Variants in SLC25A36 observed in about 807,000 individuals in gnomAD.
SLC25A36 encodes the protein solute carrier family 25 member 36, also known as epididymis secretory sperm binding protein.
In SLC25A36, 24 loss-of-function variants were observed where a neutral mutation model predicts 35.3. That is an observed-to-expected ratio of 0.68 (90% CI 0.49 to 0.96). The LOEUF (loss-of-function observed/expected upper bound fraction) is 0.96, where lower values mean the gene tolerates loss of function less well. Ranked by LOEUF, SLC25A36 falls within the 40% of genes least tolerant of loss-of-function variation. SLC25A36 has a pLI of 0.00. For synonymous variants in SLC25A36, 141 were observed against 132.2 expected, an observed-to-expected ratio of 1.07 and a Z score of -0.46; for missense variants, 294 against 381.1, an observed-to-expected ratio of 0.77 and a Z score of 1.90.
chr3:140,950,985 CTG>C (rs911041958), intron 1 of SLC25A36, among the ~76,000 whole-genome samples: 8 of 151,862 alleles, frequency 5.3e-5, no homozygotes, highest in Middle Eastern at 3.4e-3. Flanking sequence ...GTCATACAGA[CTG>C]TGACAGCAGC....
At position 140,976,769 on chromosome 3, in the gene SLC25A36, A is replaced by T; in HGVS notation, c.*316A>T. On this transcript the variant is annotated 3_prime_UTR_variant, in exon 7 of 7. Transcript: ENST00000324194. ...TGATTTATGGCAGTCTTCTAAACAA[A>T]GCCATCCTTAATTTTACATACTGTA... is the stretch of plus-strand genomic sequence containing the variant. 4.9e-6 allele frequency: 1 copy of T among 203,122 alleles called. No homozygotes were observed. Among genetic ancestry groups the T allele is most frequent in the Non-Finnish European group, 9.9e-6 (1 of 100,954 alleles). The allele number at this position is 203,122 out of a possible 1,614,324, so 12.6% of individuals were successfully genotyped here. A position where few individuals can be genotyped will look rare whatever the true frequency, so the allele number is the denominator to read the frequency against.
intron 1 of SLC25A36, among the ~76,000 whole-genome samples, chr3:140,945,416 T>A (rs1934136931): frequency 6.6e-6 from 1 of 152,174 alleles, no homozygotes; most frequent in African/African-American, 2.4e-5. Context: ...ACTGCAAAAC[T>A]AAGGGAAGTT....
intron 1 of SLC25A36, among the ~76,000 whole-genome samples, chr3:140,943,167 A>C (rs915334214): frequency 1.3e-5 from 2 of 152,218 alleles, no homozygotes; most frequent in African/African-American, 4.8e-5. Context: ...TTTTCTTATC[A>C]AAAATGCCTT....
At chr3:140,959,416 C>T in intron 2 of SLC25A36, 47 bp from the exon 3 acceptor site, 1 of 1,001,620 alleles carries the variant, frequency 1.0e-6, no homozygotes, top group Admixed American at 3.4e-5. Context: ...AATAAAGTAC[C>T]AGACTTTGAA....
chr3:140,947,034 A>G (rs61629363), intron 1 of SLC25A36, among the ~76,000 whole-genome samples: 11,361 of 152,100 alleles, frequency 0.075, 534 homozygotes, highest in East Asian at 0.17. Flanking sequence ...AAGAGGAGGA[A>G]CCAGCCAAGT....
chr3:140,972,244 C>T (rs1468932611), intron 5 of SLC25A36, among the ~76,000 whole-genome samples: 1 of 152,086 alleles, frequency 6.6e-6, no homozygotes, highest in Non-Finnish European at 1.5e-5. Flanking sequence ...ACTTAAAACT[C>T]TTTAATATTA....
chr3:140,957,306 A>G (rs1222144956), intron 2 of SLC25A36, among the ~76,000 whole-genome samples: 1 of 152,220 alleles, frequency 6.6e-6, no homozygotes, highest in Non-Finnish European at 1.5e-5. Context: ...GTTTGAACTT[A>G]GTTCAGTAGT....
intron 2 of SLC25A36, 145 bp from the exon 3 acceptor site, chr3:140,959,318 A>G (rs1361766315): frequency 4.1e-5 from 22 of 533,634 alleles, no homozygotes; most frequent in Non-Finnish European, 6.8e-5. Flanking sequence ...CCTGGCCACA[A>G]ATTTTTAATA....
chr3:140,968,608 G>A (rs1056127), intron 4 of SLC25A36: 45,038 of 941,538 alleles, frequency 0.048, 1,389 homozygotes, highest in East Asian at 0.16. Flanking sequence ...GTCTTTAAAA[G>A]GTTTTGTTCC....
At chr3:140,948,331 A>G (rs1313126279) in intron 1 of SLC25A36, among the ~76,000 whole-genome samples, 5 of 149,796 alleles carry the variant, frequency 3.3e-5, no homozygotes, top group Admixed American at 3.3e-4. Flanking sequence ...TTAGTGATTG[A>G]TATTTCTTTT....
rs533872621 is a variant in SLC25A36, at chr3:140,972,837, G to GT, written c.453-878dup. 6 of 152,156 alleles carry GT rather than the reference G, an allele frequency of 3.9e-5. No individual in the cohort carries two copies. The South Asian group carries it at 8.3e-4, about 21-fold the overall frequency. 9.4% of individuals were successfully genotyped at this position (152,156 alleles called of 1,614,324 possible). The stretch of plus-strand genomic sequence containing the variant: ...ATCTGTAGGTAATTAAGTGGGTGTT[G>GT]TAGTTGTGATTTTATTTTATGTCAG... On this transcript the variant is annotated intron_variant, in intron 5 of 6. Coordinates refer to ENST00000324194, the MANE Select transcript of SLC25A36 (RefSeq NM_001104647.3).
At chr3:140,950,333 A>G (rs1934286320) in intron 1 of SLC25A36, among the ~76,000 whole-genome samples, 1 of 150,378 alleles carries the variant, frequency 6.6e-6, no homozygotes, top group Non-Finnish European at 1.5e-5. Context: ...ATACTTGAAC[A>G]TTTGTTTTCA....
intron 1 of SLC25A36, among the ~76,000 whole-genome samples, chr3:140,948,202 A>G (rs2107781424): frequency 6.6e-6 from 1 of 152,144 alleles, no homozygotes; most frequent in African/African-American, 2.4e-5. Context: ...CGATCCACCC[A>G]CCTTGGCCTC....
chr3:140,953,906 GCT>G (rs1934405008), intron 1 of SLC25A36, among the ~76,000 whole-genome samples: 1 of 152,210 alleles, frequency 6.6e-6, no homozygotes, highest in African/African-American at 2.4e-5. Flanking sequence ...GGAGTTCAAG[GCT>G]ACAGTGAGCT....
rs369119097 is a variant in SLC25A36 at position 140,973,745 on chromosome 3, T to C, written c.482T>C (p.Phe161Ser). Residue 161 changes from phenylalanine to serine, a missense_variant, in exon 6 of 7, where the codon TTT becomes TCT. Coordinates refer to ENST00000324194, the MANE Select transcript of SLC25A36 (RefSeq NM_001104647.3). ...CGCGGGGAAAGGCGAATGGGTGCTT[T>C]TGAATGTGTTCGTAAAGTGTATCAG... is the stretch of plus-strand genomic sequence containing the variant. ...RNRGERRMGA[F>S]ECVRKVYQTD... 1 of 1,547,220 alleles carries C rather than the reference T, an allele frequency of 6.5e-7. No homozygotes were observed. The highest frequency in any genetic ancestry group is 8.8e-7 in the Non-Finnish European group (1 of 1,139,666).
At chr3:140,975,983 A>G (rs942688675) in intron 6 of SLC25A36, among the ~76,000 whole-genome samples, 2 of 151,724 alleles carry the variant, frequency 1.3e-5, no homozygotes, top group Non-Finnish European at 2.9e-5. Context: ...TCTTCCTTTT[A>G]TCTGTTTATC....
chr3:140,942,061 C>T lies in SLC25A36; in HGVS notation c.7C>T (p.Gln3Ter). The change falls in exon 1 of 7, where the codon CAG becomes TAG. Residue 3 changes from glutamine to a stop codon, truncating the protein, a stop_gained. Coordinates refer to ENST00000324194, the MANE Select transcript of SLC25A36 (RefSeq NM_001104647.3). LOFTEE classifies it high-confidence loss of function. Reference sequence around the variant, plus strand: ...AGGACATGCGGGAGAGAGAATGAGCCAGAGGGACACGCTGGTGCATCTGTT... The same window carrying T: ...AGGACATGCGGGAGAGAGAATGAGCTAGAGGGACACGCTGGTGCATCTGTT... The part of the protein sequence containing the change: MS[Q>*]RDTLVHLFAG... 6.7e-7 allele frequency: 1 copy of T among 1,492,612 alleles called. No homozygotes were observed. The highest frequency in any genetic ancestry group is 9.0e-7 in the Non-Finnish European group (1 of 1,108,010). The allele number at this position is 1,492,612 out of a possible 1,614,324, so 92.5% of individuals were successfully genotyped here. A position where few individuals can be genotyped will look rare whatever the true frequency, so the allele number is the denominator to read the frequency against.
intron 4 of SLC25A36, chr3:140,968,010 C>T: frequency 1.0e-6 from 1 of 984,970 alleles, no homozygotes; most frequent in Non-Finnish European, 1.2e-6. Context: ...TCAGGGGCAC[C>T]ATTCCCAGTA....
At position 140,976,516 on chromosome 3, in the gene SLC25A36, A is replaced by G. The variant is rs1935051663; in HGVS notation, c.*63A>G. 2 of 1,411,908 alleles carry G rather than the reference A, an allele frequency of 1.4e-6. No homozygotes were observed. Among genetic ancestry groups the G allele is most frequent in the Non-Finnish European group, 1.9e-6 (2 of 1,047,980 alleles). 87.5% of individuals were successfully genotyped at this position (1,411,908 alleles called of 1,614,324 possible). On this transcript the variant is annotated 3_prime_UTR_variant, in exon 7 of 7. Coordinates refer to ENST00000324194, the MANE Select transcript of SLC25A36 (RefSeq NM_001104647.3). ...AAAAGATTACAGTGGACCATGGGAT[A>G]CAGAAGCCAGCATGGCAGACAGAAG...
Sources: gnomAD v4.1 joint callset for allele counts (sites outside exome capture counted in the v4.1 genomes callset) on GRCh38, gnomAD v4.1.1 for gene constraint, MANE v1.5 for transcripts, NCBI Gene and HGNC (gene_info 2026-07-23, HGNC 2026-07-21) for gene names.